RBFOX1: variants seen among roughly 807,000 people sequenced by gnomAD.
The protein encoded by RBFOX1 is RNA binding fox-1 homolog 1, also known as RNA binding protein fox-1 homolog 1.
RBFOX1 carries 8 observed loss-of-function variants against 57.7 expected under a neutral mutation model. That is an observed-to-expected ratio of 0.14 (90% CI 0.08 to 0.25). RBFOX1 has a LOEUF of 0.25. Ranked by LOEUF, RBFOX1 falls within the 10% of genes least tolerant of loss-of-function variation. The pLI, the probability that RBFOX1 is intolerant of heterozygous loss-of-function variation, is 1.00. For missense variants in RBFOX1, 611 were observed against 548.5 expected (o/e 1.11, Z -1.14); for synonymous variants, 326 against 222.4 (o/e 1.47, Z -4.15).
intron 3 of RBFOX1, among the ~76,000 whole-genome samples, chr16:5,816,311 G>A (rs374098538): frequency 6.6e-6 from 1 of 152,108 alleles, no homozygotes; most frequent in Non-Finnish European, 1.5e-5. Flanking sequence ...CTAACTGCCA[G>A]TACCCGTCAA....
At chr16:7,251,001 C>A (rs910089290) in intron 4 of RBFOX1, among the ~76,000 whole-genome samples, 1 of 99,300 alleles carries the variant, frequency 1.0e-5, no homozygotes, top group African/African-American at 5.9e-5. Flanking sequence ...ATCTGATATA[C>A]ATTTTTGTAG....
intron 2 of RBFOX1, among the ~76,000 whole-genome samples, chr16:6,352,402 T>C (rs192816060): frequency 3.3e-5 from 5 of 152,270 alleles, no homozygotes; most frequent in Admixed American, 2.6e-4. Context: ...TCAGGACAAA[T>C]GACCAAAATT....
chr16:6,539,552 C>T (rs897848652), intron 2 of RBFOX1, among the ~76,000 whole-genome samples: 1 of 152,116 alleles, frequency 6.6e-6, no homozygotes, highest in South Asian at 2.1e-4. Flanking sequence ...AATCCCAGCA[C>T]ATTGGGAGGC....
At chr16:5,739,647 AC>A (rs1299152095) in intron 3 of RBFOX1, among the ~76,000 whole-genome samples, 1 of 152,240 alleles carries the variant, frequency 6.6e-6, no homozygotes, top group African/African-American at 2.4e-5. Context: ...AAAAAAACTT[AC>A]GCTTTGGCAT....
chr16:6,979,687 C>T (rs541766838), intron 3 of RBFOX1, among the ~76,000 whole-genome samples: 59 of 152,294 alleles, frequency 3.9e-4, no homozygotes, highest in African/African-American at 1.3e-3. Context: ...AATAAATAAA[C>T]ATGTGAGGCG....
intron 2 of RBFOX1, among the ~76,000 whole-genome samples, chr16:6,465,873 C>T (rs185379120): frequency 1.6e-4 from 11 of 69,164 alleles, no homozygotes; most frequent in African/African-American, 2.0e-4. Context: ...AAACTAAATA[C>T]ATTTGTGTGT....
chr16:7,566,696 A>G (rs2091764647), intron 5 of RBFOX1, among the ~76,000 whole-genome samples: 1 of 152,072 alleles, frequency 6.6e-6, no homozygotes, highest in Admixed American at 6.6e-5. Context: ...CCAGTTTCAC[A>G]TTTTGCTTAT....
intron 3 of RBFOX1, among the ~76,000 whole-genome samples, chr16:6,977,836 T>G (rs1280962810): frequency 1.3e-5 from 2 of 151,490 alleles, no homozygotes; most frequent in East Asian, 3.9e-4. Flanking sequence ...TTGCAGTATC[T>G]TGAAAAGCTG....
intron 4 of RBFOX1, among the ~76,000 whole-genome samples, chr16:7,381,866 G>T (rs1166403744): frequency 6.6e-6 from 1 of 152,078 alleles, no homozygotes; most frequent in Non-Finnish European, 1.5e-5. Context: ...GGCATTTGGT[G>T]GCATCTCTAG....
chr16:6,671,345 T>G (rs958859966), intron 3 of RBFOX1, among the ~76,000 whole-genome samples: 3 of 152,208 alleles, frequency 2.0e-5, no homozygotes, highest in Non-Finnish European at 2.9e-5. Flanking sequence ...GTAATTGATA[T>G]AATGTTTAAT....
chr16:6,245,681 GTGT>G lies in RBFOX1; in HGVS notation c.-126-71312_-126-71310del, dbSNP rs566452270. Among the ~76,000 whole-genome samples the G allele has an allele frequency of 1.5e-4, 23 of 152,292 alleles. No homozygotes were observed. The East Asian group carries it at 4.4e-3, about 29-fold the overall frequency. On this transcript the variant is annotated intron_variant, in intron 1 of 15. Transcript: ENST00000550418. ...ATGATTCTCTTAACAACTCTTAGTG[GTGT>G]TAGAATTCTTTCTTCATGAAGCAGG...
intron 3 of RBFOX1, among the ~76,000 whole-genome samples, chr16:6,713,907 C>G (rs9938551): frequency 0.096 from 14,668 of 152,194 alleles, 1,160 homozygotes; most frequent in African/African-American, 0.22. Context: ...AGATATCATC[C>G]TTTTCTCAGC....
chr16:6,768,678 G>A (rs2077773306), intron 3 of RBFOX1, among the ~76,000 whole-genome samples: 1 of 148,236 alleles, frequency 6.7e-6, no homozygotes, highest in Non-Finnish European at 1.5e-5. Context: ...GCATATATAT[G>A]TAAAATATAT....
At chr16:5,328,805 G>A (rs146600352) in intron 1 of RBFOX1, among the ~76,000 whole-genome samples, 4 of 152,294 alleles carry the variant, frequency 2.6e-5, no homozygotes, top group Middle Eastern at 3.4e-3. Context: ...GCAAGAATCA[G>A]CCACGAGAAT....
At chr16:7,488,546 A>G (rs1056478040) in intron 4 of RBFOX1, among the ~76,000 whole-genome samples, 3 of 149,048 alleles carry the variant, frequency 2.0e-5, no homozygotes, top group African/African-American at 7.3e-5. Flanking sequence ...CATTCTGTCT[A>G]TACATACATC....
chr16:5,456,243 A>G (rs192914853), intron 1 of RBFOX1, among the ~76,000 whole-genome samples: 29 of 152,304 alleles, frequency 1.9e-4, no homozygotes, highest in Middle Eastern at 6.8e-3. Flanking sequence ...ATAATATTCA[A>G]TGATATGAAC....
chr16:5,803,796 C>T (rs1017401990), intron 3 of RBFOX1, among the ~76,000 whole-genome samples: 10 of 152,112 alleles, frequency 6.6e-5, no homozygotes, highest in African/African-American at 2.4e-4. Flanking sequence ...GATTATGTTG[C>T]TTCAGTTAAA....
At chr16:6,428,285 CAAAAAAA>C (rs755273285) in intron 2 of RBFOX1, among the ~76,000 whole-genome samples, 3 of 51,228 alleles carry the variant, frequency 5.9e-5, no homozygotes, top group Non-Finnish European at 1.2e-4. Flanking sequence ...GACCTTGTCT[CAAAAAAA>C]AAAAAAAAAA....
chr16:5,654,155 C>T (rs866525938), intron 3 of RBFOX1, among the ~76,000 whole-genome samples: 2 of 152,148 alleles, frequency 1.3e-5, no homozygotes, highest in East Asian at 1.9e-4. Context: ...CTGGACGAGT[C>T]GTTTTCTGAG....
Sources: allele counts gnomAD v4.1 joint callset (sites outside exome capture counted in the v4.1 genomes callset), GRCh38; gene constraint gnomAD v4.1.1; transcripts MANE v1.5; gene names NCBI Gene and HGNC (gene_info 2026-07-23, HGNC 2026-07-21).